SLC49A3: variants seen among roughly 807,000 people sequenced by gnomAD.
SLC49A3 encodes the protein solute carrier family 49 member A3.
In SLC49A3, 50 loss-of-function variants were observed where a neutral mutation model predicts 43.8. The observed-to-expected ratio is 1.14, with a 90% CI of 0.91 to 1.45. The LOEUF is 1.45. Among genes scored for constraint, SLC49A3 ranks in the 40% most tolerant of loss-of-function variants. The pLI, the probability that SLC49A3 is intolerant of heterozygous loss-of-function variation, is 0.00. For missense variants in SLC49A3, 906 were observed against 774.1 expected, an observed-to-expected ratio of 1.17 and a Z score of -2.02; for synonymous variants, 413 against 352.0, an observed-to-expected ratio of 1.17 and a Z score of -1.94.
rs761466073 is a variant in SLC49A3, at chr4:685,944, G to A, written c.509-33C>T. 3.1e-6 allele frequency: 5 copies of A among 1,613,316 alleles called. No homozygotes were observed. Among genetic ancestry groups the A allele is most frequent in the South Asian group, 2.2e-5 (2 of 91,050 alleles). Reference sequence around the variant, plus strand: ...GGCGGATGCACAAAGTGTCAGCTCGGCTGTGGCCTGGCTTCATCGCCAGCC... The same window carrying A: ...GGCGGATGCACAAAGTGTCAGCTCGACTGTGGCCTGGCTTCATCGCCAGCC... On this transcript the variant is annotated intron_variant, in intron 3 of 9. Coordinates refer to ENST00000322224, the MANE Select transcript of SLC49A3 (RefSeq NM_032219.4). The surrounding 1 kb of genome is among the most constrained non-coding windows in gnomAD (Gnocchi z 4.3).
upstream of SLC49A3, among the ~76,000 whole-genome samples, chr4:691,572 G>A (rs1741890382): frequency 1.3e-5 from 2 of 151,534 alleles, no homozygotes; most frequent in Non-Finnish European, 2.9e-5. Flanking sequence ...TCCAACCTGG[G>A]CAACAGAGGG....
chr4:682,059 G>T lies in SLC49A3; in HGVS notation c.1579C>A (p.Pro527Thr). 1 of 1,413,060 alleles carries T rather than the reference G, an allele frequency of 7.1e-7. No homozygotes were observed. The allele number at this position is 1,413,060 out of a possible 1,614,324, so 87.5% of individuals were successfully genotyped here. ...RAQGPAATDA[P>T]SRPGRLAGRV... is the part of the protein sequence containing the mutation. ...CCTGCGAGTCTGCCGGGGCGGGAGG[G>T]CGCGTCGGTGGCTGCTGGGCCTTGC... The change falls in exon 10 of 10, where the codon CCC becomes ACC. Residue 527 changes from proline to threonine, a missense_variant. By Grantham distance (38) the Pro-to-Thr change is conservative (BLOSUM62 -1). Coordinates refer to ENST00000322224, the MANE Select transcript of SLC49A3 (RefSeq NM_032219.4).
chr4:691,392 A>C (rs997891488), upstream of SLC49A3, among the ~76,000 whole-genome samples: 2 of 151,682 alleles, frequency 1.3e-5, no homozygotes, highest in African/African-American at 4.8e-5. Context: ...TCGGGAGTTC[A>C]AGACCAGCCT....
At chr4:679,717 T>TCAGCACTTA (rs1739250427), downstream of SLC49A3, among the ~76,000 whole-genome samples, 1 of 152,182 alleles carries the variant, frequency 6.6e-6, no homozygotes, top group African/African-American at 2.4e-5. Flanking sequence ...CACTTAGTCC[T>TCAGCACTTA]GGGGCTCACG....
downstream of SLC49A3, chr4:678,814 C>G (rs563958858): frequency 1.9e-6 from 3 of 1,608,222 alleles, no homozygotes; most frequent in Admixed American, 3.4e-5. Context: ...GGAGCCTGTG[C>G]TGGGAAGACC....
In SLC49A3 at chr4:682,008, C is replaced by T. The variant is rs747165832; in HGVS notation, c.1630G>A (p.Asp544Asn). 7 of 1,425,704 alleles carry T rather than the reference C, an allele frequency of 4.9e-6. No individual in the cohort carries two copies. The highest frequency in any genetic ancestry group is 9.3e-7 in the Non-Finnish European group (1 of 1,075,748). The allele number at this position is 1,425,704 out of a possible 1,614,324, so 88.3% of individuals were successfully genotyped here. ...AGRVQASRFIDPAGSHSSFSS... is the reference protein window; with the variant it reads ...AGRVQASRFINPAGSHSSFSS... ...AAGGAGGAGTGAGACCCAGCCGGGT[C>T]AATAAACCTGGACGCTTGGACCCTG... Residue 544 changes from aspartate to asparagine, a missense_variant, in exon 10 of 10, where the codon GAC becomes AAC. Coordinates refer to ENST00000322224, the MANE Select transcript of SLC49A3 (RefSeq NM_032219.4).
At position 687,754 on chromosome 4, in the gene SLC49A3, G is replaced by C. The variant is rs563860503; in HGVS notation, c.136-1064C>G. Among the ~76,000 whole-genome samples, 3 of 152,326 alleles carry C rather than the reference G, an allele frequency of 2.0e-5. No individual in the cohort carries two copies. In the East Asian group the frequency reaches 5.8e-4, roughly 29 times the overall value. On this transcript the variant is annotated intron_variant, in intron 1 of 9. Transcript: ENST00000322224. ...CCTTGGGTCCTTTGAGTCTCATCCA[G>C]AGCACTGGGCTGCCTTCCGGGGTGG...
downstream of SLC49A3, chr4:681,071 G>A (rs780896531): frequency 1.0e-5 from 16 of 1,588,240 alleles, no homozygotes. Flanking sequence ...AGCCCGCGCT[G>A]ACCCCTTTCC....
chr4:680,722 G>A, downstream of SLC49A3: 2 of 893,940 alleles, frequency 2.2e-6, no homozygotes, highest in South Asian at 1.6e-5. Flanking sequence ...GCCATGAGGA[G>A]CGAACCCAGG....
At chr4:676,896 C>T, downstream of SLC49A3, 1 of 985,406 alleles carries the variant, frequency 1.0e-6, no homozygotes, top group Non-Finnish European at 1.2e-6. Context: ...GTCAGTGCTT[C>T]ATAGAGGCCG....
chr4:682,044 T>A lies in SLC49A3; in HGVS notation c.1594A>T (p.Arg532Ter), dbSNP rs764420814. 1 of 1,421,096 alleles carries A rather than the reference T, an allele frequency of 7.0e-7. No individual in the cohort carries two copies. The highest frequency in any genetic ancestry group is 9.3e-7 in the Non-Finnish European group (1 of 1,075,090). The allele number at this position is 1,421,096 out of a possible 1,614,324, so 88.0% of individuals were successfully genotyped here. Residue 532 changes from arginine (R) to a stop codon, truncating the protein, a stop_gained, in exon 10 of 10, where the codon AGA becomes TGA. Coordinates refer to ENST00000322224, the MANE Select transcript of SLC49A3 (RefSeq NM_032219.4). LOFTEE classifies it low-confidence loss of function (END_TRUNC). ...AATDAPSRPGRLAGRVQASRF... is the reference protein window; with the variant it reads ...AATDAPSRPG ...GACGCTTGGACCCTGCCTGCGAGTC[T>A]GCCGGGGCGGGAGGGCGCGTCGGTG... is the stretch of plus-strand genomic sequence containing the variant.
chr4:684,891 C>T, intron 4 of SLC49A3, 35 bp from the exon 5 acceptor site: 1 of 1,598,190 alleles, frequency 6.3e-7, no homozygotes, highest in Non-Finnish European at 8.5e-7. Flanking sequence ...GGAGACCACG[C>T]AGACTGGCAC....
At chr4:678,053 T>C (rs770179209), downstream of SLC49A3, 2 of 1,612,874 alleles carry the variant, frequency 1.2e-6, no homozygotes. Flanking sequence ...CGTGCATGCC[T>C]GGGGCAGGCG....
chr4:691,605 C>A (rs1349076380), upstream of SLC49A3, among the ~76,000 whole-genome samples: 2 of 147,634 alleles, frequency 1.4e-5, no homozygotes, highest in South Asian at 2.2e-4. Context: ...AAAAAAAAAA[C>A]AAAAATAAAA....
Position 686,171 on chromosome 4 carries a change from C to T in SLC49A3, c.426G>A (p.Leu142=). 1.2e-6 allele frequency: 2 copies of T among 1,613,444 alleles called. No homozygotes were observed. Among genetic ancestry groups the T allele is most frequent in the Non-Finnish European group, 1.7e-6 (2 of 1,180,018 alleles). The part of the protein sequence containing the change: ...GQSLCALAQS[L]VIFSPAKLAA... Reference sequence around the variant, plus strand: ...CCAGCTTGGCTGGAGAGAAGATGACCAGGCTCTGGGCAAGGGCACAGAGGC... The same window carrying T: ...CCAGCTTGGCTGGAGAGAAGATGACTAGGCTCTGGGCAAGGGCACAGAGGC... The change falls in exon 3 of 10, where the codon CTG becomes CTA. Residue 142 remains leucine (L), a synonymous_variant. Transcript: ENST00000322224.
Position 682,237 on chromosome 4 carries a change from T to C in SLC49A3, c.1401A>G (p.Ser467=). The change falls in exon 10 of 10, where the codon TCA becomes TCG. Residue 467 remains serine, a synonymous_variant. Coordinates refer to ENST00000322224, the MANE Select transcript of SLC49A3 (RefSeq NM_032219.4). The part of the protein sequence containing the change: ...STRNAVGGAD[S]GPGVDRGGAG... ...CTCCCCCTCGGTCCACACCCGGCCC[T>C]GAGTCTGCGCCGCCCACGGCGTTAC... is the stretch of plus-strand genomic sequence containing the variant. 2 of 1,381,476 alleles carry C rather than the reference T, an allele frequency of 1.4e-6. No individual in the cohort carries two copies. The highest frequency in any genetic ancestry group is 1.9e-6 in the Non-Finnish European group (2 of 1,056,672). 85.6% of individuals were successfully genotyped at this position (1,381,476 alleles called of 1,614,324 possible).
chr4:679,900 C>G (rs1301044033), downstream of SLC49A3: 1 of 1,612,560 alleles, frequency 6.2e-7, no homozygotes, highest in South Asian at 1.1e-5. Flanking sequence ...GTGATGCCCC[C>G]ATGTCTGTAA....
At chr4:689,219 G>T, upstream of SLC49A3, 1 of 996,610 alleles carries the variant, frequency 1.0e-6, no homozygotes, top group Non-Finnish European at 1.3e-6. Context: ...GCGGGCGGAG[G>T]TGGGGCCGGG....
At chr4:680,275 G>C (rs1392831442), downstream of SLC49A3, among the ~76,000 whole-genome samples, 2 of 152,120 alleles carry the variant, frequency 1.3e-5, no homozygotes, top group Non-Finnish European at 2.9e-5. Flanking sequence ...CCCAGCTCCA[G>C]GCCTGGGCTG....
Sources: gnomAD v4.1 joint callset for allele counts (sites outside exome capture counted in the v4.1 genomes callset) on GRCh38, gnomAD v4.1.1 for gene constraint, Gnocchi (gnomAD v3.1) non-coding constraint, MANE v1.5 for transcripts, NCBI Gene and HGNC (gene_info 2026-07-23, HGNC 2026-07-21) for gene names.